The following PLD5 variants were observed in gnomAD, a reference collection of about 807,000 sequenced individuals.
PLD5 encodes the protein phospholipase D family member 5.
Under a neutral mutation model 61.1 loss-of-function variants are expected in PLD5, and 36 were observed. The ratio of observed to expected loss-of-function variants is 0.59; its 90% CI spans 0.45 to 0.78. PLD5 has a LOEUF of 0.78. Ranked by LOEUF, PLD5 falls within the 30% of genes least tolerant of loss-of-function variation. PLD5 has a pLI of 0.00. For missense variants in PLD5, 515 were observed against 644.4 expected (o/e 0.80, Z 2.17); for synonymous variants, 243 against 242.8 (o/e 1.00, Z -0.01).
Position 242,492,525 on chromosome 1 carries a change from A to AG in PLD5, c.189+31562_189+31563insC, listed in dbSNP as rs1668196763. Among the ~76,000 whole-genome samples the AG allele has an allele frequency of 2.0e-5, 3 of 151,218 alleles. No individual in the cohort carries two copies. The South Asian group carries it at 6.3e-4, about 32-fold the overall frequency. On this transcript the variant is annotated intron_variant, in intron 1 of 9. Transcript: ENST00000536534. ...TAACAAGAGCAAAACTCCGTCTCAA[A>AG]AAAAAAAAAAAGAAAAGAGATAGAA...
chr1:242,446,628 T>C (rs886432705), intron 1 of PLD5, among the ~76,000 whole-genome samples: 5 of 152,178 alleles, frequency 3.3e-5, no homozygotes, highest in African/African-American at 1.2e-4. Flanking sequence ...TTATATCCTC[T>C]TTCCACACAT....
At chr1:242,197,750 T>C (rs984860991) in intron 5 of PLD5, among the ~76,000 whole-genome samples, 4 of 151,566 alleles carry the variant, frequency 2.6e-5, no homozygotes, top group Non-Finnish European at 5.9e-5. Flanking sequence ...TTCTCCCGCC[T>C]CAGCCTCCCA....
intron 1 of PLD5, among the ~76,000 whole-genome samples, chr1:242,467,135 C>T (rs181567545): frequency 3.9e-5 from 6 of 152,102 alleles, no homozygotes; most frequent in Non-Finnish European, 7.4e-5. Context: ...TGTGAAGTGA[C>T]GGATATGTTA....
At chr1:242,441,085 T>C (rs1666253469) in intron 1 of PLD5, among the ~76,000 whole-genome samples, 1 of 152,210 alleles carries the variant, frequency 6.6e-6, no homozygotes, top group African/African-American at 2.4e-5. Flanking sequence ...ATAAATTAAG[T>C]TGAAAAAATC....
At chr1:242,421,036 C>T (rs1019168609) in intron 1 of PLD5, among the ~76,000 whole-genome samples, 24 of 151,798 alleles carry the variant, frequency 1.6e-4, no homozygotes, top group Middle Eastern at 3.4e-3. Context: ...AAAAATTAGC[C>T]GGGCGTGGTG....
intron 2 of PLD5, among the ~76,000 whole-genome samples, chr1:242,346,371 G>C (rs559769780): frequency 2.6e-5 from 4 of 152,206 alleles, no homozygotes; most frequent in African/African-American, 9.6e-5. Context: ...GCTACGGTTT[G>C]ACCTCTATGA....
At chr1:242,381,435 A>G (rs1266615780) in intron 1 of PLD5, among the ~76,000 whole-genome samples, 2 of 152,180 alleles carry the variant, frequency 1.3e-5, no homozygotes, top group Non-Finnish European at 2.9e-5. Context: ...GAATAGCTAA[A>G]GAATGCTGAG....
At chr1:242,417,056 C>T (rs780576862) in intron 1 of PLD5, among the ~76,000 whole-genome samples, 4 of 151,986 alleles carry the variant, frequency 2.6e-5, no homozygotes, top group South Asian at 2.1e-4. Context: ...AAGTGTAGCC[C>T]AAAAGAGTTA....
At chr1:242,478,079 T>G (rs925203737) in intron 1 of PLD5, among the ~76,000 whole-genome samples, 1 of 152,188 alleles carries the variant, frequency 6.6e-6, no homozygotes, top group Non-Finnish European at 1.5e-5. Context: ...TAAAGCACAT[T>G]TCAAAGCACA....
chr1:242,177,640 C>T (rs1047772702), intron 5 of PLD5: 3 of 152,122 alleles, frequency 2.0e-5, no homozygotes, highest in Non-Finnish European at 4.4e-5. Context: ...GCAGGTCAAC[C>T]TAATTGTTTT....
chr1:242,439,863 C>T (rs1270834148), intron 1 of PLD5, among the ~76,000 whole-genome samples: 9 of 152,124 alleles, frequency 5.9e-5, no homozygotes, highest in Non-Finnish European at 1.5e-5. Context: ...CTCTCCTGAT[C>T]CACAAGTATT....
At chr1:242,221,523 C>A (rs1670589181) in intron 4 of PLD5, among the ~76,000 whole-genome samples, 1 of 152,156 alleles carries the variant, frequency 6.6e-6, no homozygotes, top group Admixed American at 6.5e-5. Context: ...GTAAACAATG[C>A]ATCTAGCTTC....
chr1:242,328,486 T>G (rs572135083), intron 2 of PLD5, among the ~76,000 whole-genome samples: 8 of 152,284 alleles, frequency 5.3e-5, no homozygotes, highest in Admixed American at 4.6e-4. Flanking sequence ...TTCTACATAT[T>G]TATGTGTTCT....
At chr1:242,326,512 C>T (rs553981196) in intron 2 of PLD5, among the ~76,000 whole-genome samples, 3 of 152,106 alleles carry the variant, frequency 2.0e-5, no homozygotes, top group South Asian at 4.2e-4. Flanking sequence ...ATTTAAAGAT[C>T]CTGACATATA....
chr1:242,320,119 G>T (rs547692616), intron 2 of PLD5, among the ~76,000 whole-genome samples: 50 of 152,248 alleles, frequency 3.3e-4, no homozygotes, highest in African/African-American at 1.2e-3. Context: ...ACTTGCCACG[G>T]TCATCTTTGA....
intron 1 of PLD5, among the ~76,000 whole-genome samples, chr1:242,456,533 G>A (rs1666950058): frequency 6.6e-6 from 1 of 152,182 alleles, no homozygotes; most frequent in Non-Finnish European, 1.5e-5. Flanking sequence ...CCTGCAGGCT[G>A]AGTGCGCAAG....
In PLD5 at chr1:242,261,063, G is replaced by A. The variant is rs571179521; in HGVS notation, c.607+4274C>T. ...CTAAAATTTGTTTCAAAACCTGAAG[G>A]TCCAAGAATAACTAAGGCAGTTCTA... On this transcript the variant is annotated intron_variant, in intron 4 of 9. Transcript: ENST00000536534. Among the ~76,000 whole-genome samples, 46 of 152,254 alleles carry A rather than the reference G, an allele frequency of 3.0e-4. No individual in the cohort carries two copies. The South Asian group carries it at 3.3e-3, about 11-fold the overall frequency.
At chr1:242,412,055 A>G (rs1449754592) in intron 1 of PLD5, among the ~76,000 whole-genome samples, 1 of 152,184 alleles carries the variant, frequency 6.6e-6, no homozygotes, top group Admixed American at 6.5e-5. Context: ...TTGAAGAAAA[A>G]GGGAAGAGAG....
At chr1:242,377,131 G>A (rs1008844167) in intron 1 of PLD5, 44 of 1,611,624 alleles carry the variant, frequency 2.7e-5, no homozygotes, top group Non-Finnish European at 3.3e-5. Flanking sequence ...TTGGACACTG[G>A]CTGAGGTTCC....
Sources: allele counts gnomAD v4.1 joint callset (sites outside exome capture counted in the v4.1 genomes callset), GRCh38; gene constraint gnomAD v4.1.1; transcripts MANE v1.5; gene names NCBI Gene and HGNC (gene_info 2026-07-23, HGNC 2026-07-21).